Variants in FAM184A observed in about 807,000 individuals in gnomAD.
The protein encoded by FAM184A is protein FAM184A.
FAM184A carries 99 observed loss-of-function variants against 143.8 expected under a neutral mutation model. The ratio of observed to expected loss-of-function variants is 0.69; its 90% CI spans 0.58 to 0.81. FAM184A has a LOEUF of 0.81. Ranked by LOEUF, FAM184A falls within the 40% of genes least tolerant of loss-of-function variation. The probability of loss-of-function intolerance (pLI) is 0.00; values close to 1 mark genes in which losing one functional copy is unlikely to be tolerated. For synonymous variants in FAM184A, 427 were observed against 446.4 expected (o/e 0.96, Z 0.55); for missense variants, 1,217 against 1,310.5 (o/e 0.93, Z 1.10).
intron 1 of FAM184A, among the ~76,000 whole-genome samples, chr6:119,134,586 C>T (rs1582645166): frequency 1.4e-5 from 2 of 144,306 alleles, no homozygotes; most frequent in South Asian, 2.2e-4. Context: ...CCCAGGAGGT[C>T]GAGGCTGTAG....
At chr6:118,977,954 TTTTATTTA>T (rs542576952) in intron 11 of FAM184A, among the ~76,000 whole-genome samples, 1 of 152,082 alleles carries the variant, frequency 6.6e-6, no homozygotes, top group Non-Finnish European at 1.5e-5. Context: ...CAAAGACATA[TTTTATTTA>T]TTTATTTATT....
intron 1 of FAM184A, among the ~76,000 whole-genome samples, chr6:119,059,625 T>G (rs1428339681): frequency 6.6e-6 from 1 of 152,224 alleles, no homozygotes; most frequent in Non-Finnish European, 1.5e-5. Context: ...TTTTCACCCT[T>G]TCTTCCAATC....
intron 1 of FAM184A, among the ~76,000 whole-genome samples, chr6:119,111,040 G>A (rs1285534667): frequency 6.6e-6 from 1 of 152,146 alleles, no homozygotes; most frequent in Non-Finnish European, 1.5e-5. Flanking sequence ...GCAGCCTTAT[G>A]CTTACTTAAA....
rs1789622452 is a variant in FAM184A at position 119,134,814 on chromosome 6, GGAGA to G, written c.-202+14260_-202+14263del. Reference sequence around the variant, plus strand: ...CTCCATCCTCTTGACATCTTTCTGGGGAGAGAGAGGTTCCAGGGGCATTAAATCA... The same window carrying G: ...CTCCATCCTCTTGACATCTTTCTGGGGAGAGGTTCCAGGGGCATTAAATCA... On this transcript the variant is annotated intron_variant, in intron 1 of 16. Transcript: ENST00000352896. Among the ~76,000 whole-genome samples, 4 of 152,248 alleles carry G rather than the reference GGAGA, an allele frequency of 2.6e-5. No individual in the cohort carries two copies. In the South Asian group the frequency reaches 8.3e-4, roughly 32 times the overall value.
At chr6:119,080,819 CT>C (rs1242270035), upstream of FAM184A, among the ~76,000 whole-genome samples, 2 of 152,136 alleles carry the variant, frequency 1.3e-5, no homozygotes, top group Non-Finnish European at 2.9e-5. Context: ...CTGTATTAGT[CT>C]GTTCTCACAT....
intron 9 of FAM184A, among the ~76,000 whole-genome samples, chr6:118,982,102 C>T (rs1360609542): frequency 1.3e-5 from 2 of 152,128 alleles, no homozygotes; most frequent in African/African-American, 2.4e-5. Flanking sequence ...TAAGGCCATA[C>T]TTGTGGAATA....
chr6:119,127,027 G>C (rs919451713), intron 1 of FAM184A, among the ~76,000 whole-genome samples: 1 of 152,170 alleles, frequency 6.6e-6, no homozygotes, highest in African/African-American at 2.4e-5. Flanking sequence ...TCTGCCAGCT[G>C]GGTCAGGGGT....
At chr6:118,964,542 G>C (rs990752929) in intron 16 of FAM184A, 125 bp downstream of exon 16, 1 of 483,010 alleles carries the variant, frequency 2.1e-6, no homozygotes, top group Non-Finnish European at 3.7e-6. Flanking sequence ...TTTAGTGCTA[G>C]ATTATTAAAT....
intron 9 of FAM184A, among the ~76,000 whole-genome samples, chr6:118,995,049 T>G (rs1331374468): frequency 6.6e-6 from 1 of 152,200 alleles, no homozygotes; most frequent in Admixed American, 6.5e-5. Flanking sequence ...TTTAAAAAAT[T>G]TCTAACTTCC....
At chr6:119,094,259 T>C (rs1788449564) in intron 1 of FAM184A, among the ~76,000 whole-genome samples, 2 of 151,988 alleles carry the variant, frequency 1.3e-5, no homozygotes, top group Admixed American at 6.6e-5. Context: ...TGCTACACAG[T>C]CCCTTTACTT....
chr6:119,119,415 C>T lies in FAM184A; in HGVS notation c.-202+29663G>A, dbSNP rs555235051. On this transcript the variant is annotated intron_variant, in intron 1 of 16. Transcript: ENST00000352896. ...AACTACCGACATGTGAAGTCTCCCC[C>T]GGACACCCAGCTTTAAAATTTCTCT... is the stretch of plus-strand genomic sequence containing the variant. 6.4e-4 allele frequency among the ~76,000 whole-genome samples: 98 copies of T among 152,276 alleles called. 1 individual carries two copies. Among genetic ancestry groups the T allele is most frequent in the African/African-American group, 2.3e-3 (95 of 41,554 alleles).
chr6:118,961,916 A>C lies in FAM184A; in HGVS notation c.3186T>G (p.Val1062=). The change falls in exon 17 of 18, where the codon GTT becomes GTG. Residue 1062 remains valine, a synonymous_variant. Transcript: ENST00000338891. The stretch of plus-strand genomic sequence containing the variant: ...CAGATTCCAGAGCACTTAGATTGGG[A>C]ACACTCACAAACCTGTTTGTTGGTG... ...DKSPTNRFVS[V]PNLSALESGG... 2 of 1,613,934 alleles carry C rather than the reference A, an allele frequency of 1.2e-6. No homozygotes were observed. Among genetic ancestry groups the C allele is most frequent in the Non-Finnish European group, 1.7e-6 (2 of 1,179,878 alleles).
At chr6:119,091,323 G>A (rs779479671) in intron 1 of FAM184A, among the ~76,000 whole-genome samples, 4 of 152,162 alleles carry the variant, frequency 2.6e-5, no homozygotes, top group Admixed American at 6.5e-5. Flanking sequence ...CTCCACCTTG[G>A]TTTCTAGACT....
At chr6:119,028,626 T>C (rs930883079) in intron 1 of FAM184A, among the ~76,000 whole-genome samples, 2 of 152,200 alleles carry the variant, frequency 1.3e-5, no homozygotes, top group Non-Finnish European at 2.9e-5. Context: ...AAACTCCACA[T>C]TCCTTCCCAC....
chr6:118,988,125 G>A (rs954777424), intron 9 of FAM184A, among the ~76,000 whole-genome samples: 4 of 152,098 alleles, frequency 2.6e-5, no homozygotes, highest in Non-Finnish European at 5.9e-5. Flanking sequence ...CTGCCGCTAT[G>A]AAGAAAAGAT....
intron 1 of FAM184A, among the ~76,000 whole-genome samples, chr6:119,051,978 A>G (rs553924005): frequency 1.3e-5 from 2 of 152,320 alleles, no homozygotes; most frequent in South Asian, 4.1e-4. Context: ...AGGTTCCCAG[A>G]CAGCAGTATC....
chr6:119,128,479 CCTT>C (rs1789433809), intron 1 of FAM184A, among the ~76,000 whole-genome samples: 1 of 152,066 alleles, frequency 6.6e-6, no homozygotes, highest in South Asian at 2.1e-4. Context: ...GTTTGAGACT[CCTT>C]CTAAGCAGGA....
chr6:119,112,397 G>A (rs1040554660), intron 1 of FAM184A, among the ~76,000 whole-genome samples: 1 of 152,084 alleles, frequency 6.6e-6, no homozygotes, highest in East Asian at 1.9e-4. Flanking sequence ...CAAAGTGCTG[G>A]GATTACAGGC....
chr6:119,078,284 T>C lies in FAM184A; in HGVS notation c.16A>G (p.Met6Val), dbSNP rs1403106005. 2 of 1,504,146 alleles carry C rather than the reference T, an allele frequency of 1.3e-6. No individual in the cohort carries two copies. The highest frequency in any genetic ancestry group is 1.8e-6 in the Non-Finnish European group (2 of 1,130,348). 93.2% of individuals were successfully genotyped at this position (1,504,146 alleles called of 1,614,324 possible). MATPG[M>V]SWQQHYYGGS... ...CCGTAATAGTGCTGCTGCCAGCTCA[T>C]GCCCGGGGTCGCCATCTTCCCAACA... The change falls in exon 1 of 18, where the codon ATG (methionine) becomes GTG (valine). Residue 6 changes from methionine (M) to valine (V), a missense_variant. Physicochemically the swap from Met to Val is conservative, Grantham distance 21 (BLOSUM62 1). Transcript: ENST00000338891. The surrounding 1 kb of genome is among the most constrained non-coding windows in gnomAD (Gnocchi z 5.5).
Sources: allele counts gnomAD v4.1 joint callset (sites outside exome capture counted in the v4.1 genomes callset), GRCh38; gene constraint gnomAD v4.1.1; non-coding constraint Gnocchi (gnomAD v3.1); transcripts MANE v1.5; gene names NCBI Gene and HGNC (gene_info 2026-07-23, HGNC 2026-07-21).